Variants in COL12A1 observed in about 807,000 individuals in gnomAD.
COL12A1 encodes the protein collagen alpha-1(XII) chain.
A neutral mutation model predicts 349.7 loss-of-function variants in COL12A1; 114 were observed. The observed-to-expected ratio is 0.33, with a 90% CI of 0.28 to 0.38. The LOEUF (loss-of-function observed/expected upper bound fraction) is 0.38, where lower values mean the gene tolerates loss of function less well. Ranked by LOEUF, COL12A1 falls within the 10% of genes least tolerant of loss-of-function variation. The probability of loss-of-function intolerance (pLI) is 1.00; values close to 1 mark genes in which losing one functional copy is unlikely to be tolerated. For missense variants in COL12A1, 3,284 were observed against 3,756.9 expected (o/e 0.87, Z 3.29); for synonymous variants, 1,369 against 1,329.0 (o/e 1.03, Z -0.66).
At position 75,119,373 on chromosome 6, in the gene COL12A1, T is replaced by G; in HGVS notation, c.7187A>C (p.Tyr2396Ser). ...ACCTGTTCTTGTGTTTCCTCCTCTG[T>G]ACCTAATATTCTGGAGGGCCCCAAG... ...LALGALQNIR[Y>S]RGGNTRTGKA... is the part of the protein sequence containing the mutation. Residue 2396 changes from tyrosine to serine, a missense_variant, in exon 45 of 66, where the codon TAC (tyrosine) becomes TCC (serine). Around this residue, in one of 2 missense-constraint regions of COL12A1, gnomAD observed 683 missense variants for 932.1 expected, o/e 0.73. Transcript: ENST00000322507. 6.2e-7 allele frequency: 1 copy of G among 1,613,820 alleles called. No homozygotes were observed. Among genetic ancestry groups the G allele is most frequent in the Non-Finnish European group, 8.5e-7 (1 of 1,179,880 alleles).
In COL12A1 at chr6:75,113,633, G is replaced by A. The variant is rs376582053; in HGVS notation, c.7809C>T (p.Asp2603=). 2.0e-5 allele frequency: 32 copies of A among 1,609,824 alleles called. No individual in the cohort carries two copies. The African/African-American group carries it at 3.5e-4, about 17-fold the overall frequency. The change falls in exon 50 of 66, where the codon GAC becomes GAT. Residue 2603 remains aspartate (D), a synonymous_variant. Coordinates refer to ENST00000322507, the MANE Select transcript of COL12A1 (RefSeq NM_004370.6). ...CAATCACTCCAACTTGTGGTTTGTA[G>A]TCTCTGTCTGTGATTTGCCAAATTG... ...PFAIWQITDR[D]YKPQVGVIAD...
intron 3 of COL12A1, among the ~76,000 whole-genome samples, chr6:75,194,042 G>C (rs1348497742): frequency 6.6e-6 from 1 of 152,130 alleles, no homozygotes; most frequent in East Asian, 1.9e-4. Flanking sequence ...GAACATACGT[G>C]TGCATGTGTC....
At position 75,148,483 on chromosome 6, in the gene COL12A1, G is replaced by A; in HGVS notation, c.4162C>T (p.Pro1388Ser). The A allele has an allele frequency of 1.2e-6, 2 of 1,613,044 alleles. No individual in the cohort carries two copies. Among genetic ancestry groups the A allele is most frequent in the Non-Finnish European group, 1.7e-6 (2 of 1,179,380 alleles). The change falls in exon 22 of 66, where the codon CCT (proline) becomes TCT (serine). Residue 1388 changes from proline (P) to serine (S), a missense_variant. Physicochemically the swap from Pro to Ser is moderately conservative, Grantham distance 74. This residue lies in a region of COL12A1 where 2,601 missense variants were observed against 2,824.8 expected (regional missense o/e 0.92). Transcript: ENST00000322507. The stretch of plus-strand genomic sequence containing the variant: ...CGCTCAGAAATAACTAAGTTAGAAG[G>A]TGCTTCCAAATCACCTACACATGGA... ...SVKGPGDLEA[P>S]SNLVISERTH...
At chr6:75,141,990 AG>A in intron 27 of COL12A1, 41 bp downstream of exon 27, 1 of 1,611,224 alleles carries the variant, frequency 6.2e-7, no homozygotes, top group Non-Finnish European at 8.5e-7. Context: ...ATGCATGTAA[AG>A]TGTTGTTTCC....
Position 75,133,896 on chromosome 6 carries a change from G to T in COL12A1, c.5626C>A (p.Leu1876Ile). The T allele has an allele frequency of 6.2e-7, 1 of 1,614,080 alleles. No individual in the cohort carries two copies. The highest frequency in any genetic ancestry group is 8.5e-7 in the Non-Finnish European group (1 of 1,179,984). ...HAEGNPRQYK[L>I]FYAPAAGGPE... ...CCACCTGCTGCTGGTGCATAGAAGA[G>T]CTTGTACTGACGAGGATTTCCCTCT... The change falls in exon 33 of 66, where the codon CTC (leucine) becomes ATC (isoleucine). Residue 1876 changes from leucine to isoleucine, a missense_variant. This residue lies in a region of COL12A1 where 2,601 missense variants were observed against 2,824.8 expected (regional missense o/e 0.92). Transcript: ENST00000322507.
At chr6:75,194,660 G>T (rs965782454) in intron 3 of COL12A1, among the ~76,000 whole-genome samples, 171 bp downstream of exon 3, 8 of 151,984 alleles carry the variant, frequency 5.3e-5, no homozygotes, top group Admixed American at 3.3e-4. Context: ...TATAATAGTG[G>T]ACACTAGACT....
At chr6:75,171,838 A>G (rs78017707) in intron 13 of COL12A1, among the ~76,000 whole-genome samples, 1,895 of 152,360 alleles carry the variant, frequency 0.012, 36 homozygotes, top group African/African-American at 0.044. Context: ...AGTCACAACT[A>G]TGCTTTCACA....
rs1768252416 is a variant in COL12A1 at position 75,165,576 on chromosome 6, T to G, written c.2914A>C (p.Arg972=). 6.2e-7 allele frequency: 1 copy of G among 1,613,974 alleles called. No homozygotes were observed. Among genetic ancestry groups the G allele is most frequent in the Non-Finnish European group, 8.5e-7 (1 of 1,179,872 alleles). The change falls in exon 14 of 66, where the codon AGA becomes CGA. Residue 972 remains arginine, a synonymous_variant. Transcript: ENST00000322507. The part of the protein sequence containing the change: ...IENLQPETKY[R]ISVFATYSSG... ...CTGTAAGTGGCAAATACTGAAATTC[T>G]GTATTTGGTCTCTGGCTGCAGATTT... is the stretch of plus-strand genomic sequence containing the variant.
intron 7 of COL12A1, among the ~76,000 whole-genome samples, 193 bp downstream of exon 7, chr6:75,189,024 G>A (rs1769783040): frequency 6.6e-6 from 1 of 151,970 alleles, no homozygotes; most frequent in South Asian, 2.1e-4. Flanking sequence ...CATATGCTAA[G>A]GGAGTTATAT....
intron 58 of COL12A1, among the ~76,000 whole-genome samples, chr6:75,097,890 C>T (rs1191265912): frequency 1.3e-5 from 2 of 152,118 alleles, no homozygotes; most frequent in Non-Finnish European, 2.9e-5. Flanking sequence ...TATCAGCACC[C>T]TTTAGCCCCA....
chr6:75,190,029 C>T (rs558116883), intron 5 of COL12A1, among the ~76,000 whole-genome samples: 1 of 152,052 alleles, frequency 6.6e-6, no homozygotes, highest in South Asian at 2.1e-4. Context: ...ATTCATGGAA[C>T]TAGATGTCTT....
intron 10 of COL12A1, among the ~76,000 whole-genome samples, chr6:75,182,515 T>A (rs1299444096): frequency 1.3e-5 from 2 of 152,164 alleles, no homozygotes; most frequent in African/African-American, 2.4e-5. Context: ...TCCAGCTTCA[T>A]CCATGTCCCT....
chr6:75,117,412 T>C lies in COL12A1; in HGVS notation c.7489A>G (p.Ile2497Val), dbSNP rs1427810892. 6.2e-7 allele frequency: 1 copy of C among 1,613,628 alleles called. No individual in the cohort carries two copies. Among genetic ancestry groups the C allele is most frequent in the South Asian group, 1.1e-5 (1 of 91,070 alleles). The change falls in exon 47 of 66, where the codon ATT becomes GTT. Residue 2497 changes from isoleucine to valine, a missense_variant. This residue lies in a region of COL12A1 where 683 missense variants were observed against 932.1 expected (regional missense o/e 0.73). Transcript: ENST00000322507. ...ESFEKIEDNL[I>V]TFVCETATSS... ...GTGGCAGTTTCACAAACAAATGTAA[T>C]AAGATTGTCTTCGATCTTCTCAAAA...
intron 17 of COL12A1, among the ~76,000 whole-genome samples, chr6:75,154,165 TA>T (rs1279749266): frequency 2.0e-5 from 3 of 151,690 alleles, no homozygotes; most frequent in Non-Finnish European, 2.9e-5. Flanking sequence ...ATATTACTCT[TA>T]AAAATAGATT....
At chr6:75,143,853 G>A (rs76976664) in intron 25 of COL12A1, among the ~76,000 whole-genome samples, 3,645 of 152,200 alleles carry the variant, frequency 0.024, 69 homozygotes, top group Non-Finnish European at 0.038. Flanking sequence ...CATCCAATAA[G>A]CTTATAAGAA....
intron 37 of COL12A1, among the ~76,000 whole-genome samples, chr6:75,129,107 G>A (rs1308084008): frequency 1.3e-5 from 2 of 152,124 alleles, no homozygotes; most frequent in South Asian, 2.1e-4. Flanking sequence ...TAATGTTTTC[G>A]GAAAGTAAAG....
rs765449234 is a variant in COL12A1 at position 75,105,243 on chromosome 6, T to C, written c.8228A>G (p.Gln2743Arg). The C allele has an allele frequency of 1.9e-6, 3 of 1,613,858 alleles. No individual in the cohort carries two copies. The highest frequency in any genetic ancestry group is 2.5e-6 in the Non-Finnish European group (3 of 1,179,866). ...AGGTCCTGGAGGTCCAACGCTGTCC[T>C]GTGTACATGTGCAAGAATTTGGAAA... ...PAFPNSCTCT[Q>R]DSVGPPGPPG... is the part of the protein sequence containing the mutation. Residue 2743 changes from glutamine to arginine, a missense_variant, in exon 54 of 66, where the codon CAG (glutamine) becomes CGG (arginine). Physicochemically the swap from Gln to Arg is conservative, Grantham distance 43. Transcript: ENST00000322507.
chr6:75,110,764 T>A (rs1249549841), intron 51 of COL12A1, among the ~76,000 whole-genome samples: 1 of 152,038 alleles, frequency 6.6e-6, no homozygotes, highest in Admixed American at 6.6e-5. Context: ...AAGTTCCCTC[T>A]CCCTGTCACT....
At chr6:75,127,421 A>C (rs1490884054) in intron 38 of COL12A1, among the ~76,000 whole-genome samples, 1 of 152,182 alleles carries the variant, frequency 6.6e-6, no homozygotes, top group Non-Finnish European at 1.5e-5. Flanking sequence ...TAATGTTGTC[A>C]AGATCATTTA....
Sources: allele counts gnomAD v4.1 joint callset (sites outside exome capture counted in the v4.1 genomes callset), GRCh38; gene constraint gnomAD v4.1.1; regional missense constraint gnomAD v4.1.1; transcripts MANE v1.5; gene names NCBI Gene and HGNC (gene_info 2026-07-23, HGNC 2026-07-21).